The following PRKD1 variants were observed in gnomAD, a reference collection of about 807,000 sequenced individuals.
PRKD1 encodes protein kinase D1, also known as serine/threonine-protein kinase D1.
Under a neutral mutation model 95.9 loss-of-function variants are expected in PRKD1, and 63 were observed. The observed-to-expected ratio is 0.66, with a 90% confidence interval of 0.54 to 0.81. The LOEUF is 0.81. Among genes scored for constraint, PRKD1 ranks in the 30% least tolerant of loss-of-function variants. The pLI is 0.00. For synonymous variants in PRKD1, 425 were observed against 423.1 expected, an observed-to-expected ratio of 1.00 and a Z score of -0.05; for missense variants, 1,048 against 1,165.3, an observed-to-expected ratio of 0.90 and a Z score of 1.47.
At chr14:29,701,876 G>A (rs571976087) in intron 2 of PRKD1, among the ~76,000 whole-genome samples, 58 of 152,060 alleles carry the variant, frequency 3.8e-4, no homozygotes, top group African/African-American at 1.3e-3. Flanking sequence ...TATATTTCTG[G>A]TCTCAGACTT....
chr14:29,584,781 G>C (rs930164367), intron 16 of PRKD1, among the ~76,000 whole-genome samples: 7 of 152,294 alleles, frequency 4.6e-5, no homozygotes, highest in Admixed American at 1.3e-4. Context: ...CAGATCGTAA[G>C]ATCAGTGACT....
intron 13 of PRKD1, among the ~76,000 whole-genome samples, chr14:29,606,279 C>T (rs1369487877): frequency 2.0e-5 from 3 of 152,182 alleles, no homozygotes; most frequent in Non-Finnish European, 4.4e-5. Flanking sequence ...TCCCAAAGTG[C>T]TGGGATTACA....
intron 1 of PRKD1, among the ~76,000 whole-genome samples, chr14:29,869,346 A>G (rs1461933623): frequency 6.6e-6 from 1 of 152,058 alleles, no homozygotes; most frequent in Non-Finnish European, 1.5e-5. Flanking sequence ...AAGAGGAGGC[A>G]GGAGAATTGC....
intron 1 of PRKD1, among the ~76,000 whole-genome samples, chr14:29,920,314 C>A (rs1296946055): frequency 6.6e-6 from 1 of 151,654 alleles, no homozygotes; most frequent in Non-Finnish European, 1.5e-5. Flanking sequence ...TAAAAAACAC[C>A]CTATATTTTT....
intron 1 of PRKD1, among the ~76,000 whole-genome samples, chr14:29,899,130 C>G (rs1425321520): frequency 6.6e-6 from 1 of 152,138 alleles, no homozygotes; most frequent in Non-Finnish European, 1.5e-5. Context: ...TACAAGCACA[C>G]ACCAATAGAA....
At chr14:29,655,088 A>G (rs571750521) in intron 4 of PRKD1, among the ~76,000 whole-genome samples, 4 of 152,334 alleles carry the variant, frequency 2.6e-5, no homozygotes, top group Admixed American at 1.3e-4. Context: ...CCCGACTGCA[A>G]TGTGGGAGAA....
intron 1 of PRKD1, among the ~76,000 whole-genome samples, chr14:29,748,698 C>G (rs537367108): frequency 6.6e-6 from 1 of 152,158 alleles, no homozygotes; most frequent in African/African-American, 2.4e-5. Context: ...TAGGACATGC[C>G]AAGCACATAA....
intron 2 of PRKD1, among the ~76,000 whole-genome samples, chr14:29,673,378 G>A (rs1042408290): frequency 2.6e-5 from 4 of 152,186 alleles, no homozygotes; most frequent in Non-Finnish European, 2.9e-5. Context: ...CGTCTTTCAC[G>A]TCAATCCCTC....
intron 1 of PRKD1, among the ~76,000 whole-genome samples, chr14:29,797,012 A>G (rs1889846862): frequency 6.6e-6 from 1 of 152,228 alleles, no homozygotes; most frequent in African/African-American, 2.4e-5. Flanking sequence ...CCTTAATCCA[A>G]TTTAGAGCTC....
chr14:29,888,644 G>A (rs1893826060), intron 1 of PRKD1, among the ~76,000 whole-genome samples: 1 of 152,146 alleles, frequency 6.6e-6, no homozygotes, highest in Non-Finnish European at 1.5e-5. Context: ...TGACATAGGA[G>A]AATACTGGAA....
chr14:29,594,220 T>A, intron 16 of PRKD1: 1 of 422,634 alleles, frequency 2.4e-6, no homozygotes, highest in South Asian at 1.7e-5. Context: ...TTCTGACACA[T>A]CTATGCATGT....
intron 1 of PRKD1, among the ~76,000 whole-genome samples, chr14:29,796,976 T>C (rs1889845514): frequency 6.6e-6 from 1 of 152,208 alleles, no homozygotes; most frequent in Non-Finnish European, 1.5e-5. Context: ...AATTAATTCT[T>C]TATAAAGTTC....
intron 16 of PRKD1, among the ~76,000 whole-genome samples, chr14:29,581,229 G>A (rs1892745538): frequency 6.6e-6 from 1 of 151,872 alleles, no homozygotes; most frequent in Non-Finnish European, 1.5e-5. Flanking sequence ...TGTACACCTC[G>A]ATTTTAATAG....
chr14:29,678,641 G>A (rs755943689), intron 2 of PRKD1, among the ~76,000 whole-genome samples: 12 of 152,108 alleles, frequency 7.9e-5, no homozygotes, highest in Non-Finnish European at 1.5e-4. Context: ...ATTTCAAAGA[G>A]TATGTGTGTG....
chr14:29,887,474 T>C (rs1893753948), intron 1 of PRKD1, among the ~76,000 whole-genome samples: 1 of 152,170 alleles, frequency 6.6e-6, no homozygotes, highest in African/African-American at 2.4e-5. Flanking sequence ...CAAGCAAGAA[T>C]ACTATGGAAA....
At chr14:29,706,620 G>A (rs1594445924) in intron 2 of PRKD1, among the ~76,000 whole-genome samples, 1 of 152,086 alleles carries the variant, frequency 6.6e-6, no homozygotes. Flanking sequence ...AGGCACCAGG[G>A]ATAATAATAA....
intron 1 of PRKD1, among the ~76,000 whole-genome samples, chr14:29,783,016 T>C (rs940160564): frequency 6.6e-6 from 1 of 152,240 alleles, no homozygotes; most frequent in Non-Finnish European, 1.5e-5. Flanking sequence ...ACATTTCAAA[T>C]GTTCTCTTCT....
At chr14:29,700,845 C>T (rs1884788959) in intron 2 of PRKD1, among the ~76,000 whole-genome samples, 1 of 152,138 alleles carries the variant, frequency 6.6e-6, no homozygotes, top group African/African-American at 2.4e-5. Context: ...CAATTCTTCC[C>T]TGGGTCTCTG....
At chr14:29,856,069 A>G (rs546880488) in intron 1 of PRKD1, among the ~76,000 whole-genome samples, 2 of 152,316 alleles carry the variant, frequency 1.3e-5, no homozygotes, top group African/African-American at 4.8e-5. Context: ...CTTCACTAGA[A>G]CATATGCATC....
Sources: allele counts gnomAD v4.1 joint callset (sites outside exome capture counted in the v4.1 genomes callset), GRCh38; gene constraint gnomAD v4.1.1; transcripts MANE v1.5; gene names NCBI Gene and HGNC (gene_info 2026-07-23, HGNC 2026-07-21).